The following RARB variants were observed in gnomAD, a reference collection of about 807,000 sequenced individuals.
The protein encoded by RARB is retinoic acid receptor beta, also known as HBV-activated protein.
A neutral mutation model predicts 51.9 loss-of-function variants in RARB; 17 were observed. That is an observed-to-expected ratio of 0.33 (90% CI 0.22 to 0.49). The LOEUF (loss-of-function observed/expected upper bound fraction) is 0.49. Ranked by LOEUF, RARB falls within the 20% of genes least tolerant of loss-of-function variation. The pLI is 0.99. For synonymous variants in RARB, 215 were observed against 195.4 expected (o/e 1.10, Z -0.84); for missense variants, 369 against 550.8 (o/e 0.67, Z 3.30).
At position 25,575,888 on chromosome 3, in the gene RARB, A is replaced by G. The variant is rs564463767; in HGVS notation, c.610-4658A>G. The stretch of plus-strand genomic sequence containing the variant: ...CCTAGTGAGTGCAGAACTGGAGTGC[A>G]TGGATGTTACCTTTCCATGCTTGCC... On this transcript the variant is annotated intron_variant, in intron 4 of 7. Coordinates refer to ENST00000330688, the MANE Select transcript of RARB (RefSeq NM_000965.5). Among the ~76,000 whole-genome samples, 55 of 152,312 alleles carry G rather than the reference A, an allele frequency of 3.6e-4. 1 individual carries two copies. The highest frequency in any genetic ancestry group is 6.8e-3 in the Middle Eastern group (2 of 294).
rs78470280 is a variant in RARB at position 25,461,184 on chromosome 3, C to T, written c.158-9C>T. On this transcript the variant is annotated splice_polypyrimidine_tract_variant and intron_variant, in intron 1 of 7. Transcript: ENST00000330688. Reference sequence around the variant, plus strand: ...TCTTTTTTCTCCCTCTACCCCATCTCTATTATAGCAATTGAAACACAGAGC... The same window carrying T: ...TCTTTTTTCTCCCTCTACCCCATCTTTATTATAGCAATTGAAACACAGAGC... 6.2e-7 allele frequency: 1 copy of T among 1,602,466 alleles called. No individual in the cohort carries two copies. The highest frequency in any genetic ancestry group is 2.2e-5 in the East Asian group (1 of 44,734).
At chr3:25,003,474 G>A (rs201937817) in intron 2 of RARB, among the ~76,000 whole-genome samples, 1 of 152,198 alleles carries the variant, frequency 6.6e-6, no homozygotes, top group African/African-American at 2.4e-5. Flanking sequence ...ATATATCTTA[G>A]TACTGATTTA....
chr3:24,999,121 A>G (rs1697104923), intron 2 of RARB, among the ~76,000 whole-genome samples: 2 of 152,284 alleles, frequency 1.3e-5, no homozygotes, highest in South Asian at 4.1e-4. Flanking sequence ...CTTTTCTGTT[A>G]TATAGATAAA....
intron 5 of RARB, among the ~76,000 whole-genome samples, chr3:25,338,787 A>T (rs2125449448): frequency 6.6e-6 from 1 of 152,314 alleles, no homozygotes; most frequent in East Asian, 1.9e-4. Flanking sequence ...AATGGTTATT[A>T]AAATACTGAA....
intron 5 of RARB, among the ~76,000 whole-genome samples, chr3:25,361,725 A>C (rs1168238993): frequency 6.6e-6 from 1 of 152,056 alleles, no homozygotes; most frequent in Non-Finnish European, 1.5e-5. Flanking sequence ...TTTTCTTTCT[A>C]CCAGTCGGTC....
intron 2 of RARB, among the ~76,000 whole-genome samples, chr3:24,869,879 G>A (rs1208536337): frequency 6.6e-6 from 1 of 152,012 alleles, no homozygotes; most frequent in African/African-American, 2.4e-5. Flanking sequence ...TTGTGTATGA[G>A]TATTCCAGTT....
intron 2 of RARB, among the ~76,000 whole-genome samples, chr3:24,943,842 A>G (rs550044553): frequency 7.2e-5 from 11 of 152,314 alleles, no homozygotes; most frequent in Admixed American, 3.3e-4. Context: ...AGTGAGGTCA[A>G]TTGTCATGGT....
chr3:25,213,065 A>G (rs1032812666), intron 5 of RARB, among the ~76,000 whole-genome samples: 2 of 152,162 alleles, frequency 1.3e-5, no homozygotes, highest in Admixed American at 6.5e-5. Context: ...CCTTGCTCAC[A>G]ACAGTATTTT....
intron 2 of RARB, among the ~76,000 whole-genome samples, chr3:24,914,524 C>G (rs538976553): frequency 6.6e-6 from 1 of 152,168 alleles, no homozygotes; most frequent in Non-Finnish European, 1.5e-5. Context: ...CCATAAAGGA[C>G]TGGTTCTGGT....
At chr3:25,362,006 C>T (rs1056057744) in intron 5 of RARB, among the ~76,000 whole-genome samples, 9 of 152,192 alleles carry the variant, frequency 5.9e-5, no homozygotes, top group Non-Finnish European at 1.3e-4. Context: ...AGCTTGAGTG[C>T]TATGCTGGGA....
intron 2 of RARB, among the ~76,000 whole-genome samples, chr3:25,036,879 G>T (rs1698006415): frequency 6.6e-6 from 1 of 152,106 alleles, no homozygotes; most frequent in Non-Finnish European, 1.5e-5. Context: ...ACATTCTTCT[G>T]TTTTACAGAA....
At chr3:25,366,841 G>T (rs1706135627) in intron 5 of RARB, among the ~76,000 whole-genome samples, 1 of 152,126 alleles carries the variant, frequency 6.6e-6, no homozygotes, top group Non-Finnish European at 1.5e-5. Flanking sequence ...TTGTTCATGG[G>T]CCTCATTTTA....
intron 5 of RARB, among the ~76,000 whole-genome samples, chr3:25,252,143 A>T (rs1180221341): frequency 1.3e-5 from 2 of 152,072 alleles, no homozygotes; most frequent in African/African-American, 4.8e-5. Flanking sequence ...TTTTCTTGCC[A>T]CCCTTGTCAA....
intron 5 of RARB, among the ~76,000 whole-genome samples, chr3:25,240,638 G>T (rs1392873157): frequency 6.6e-6 from 1 of 152,034 alleles, no homozygotes; most frequent in East Asian, 1.9e-4. Flanking sequence ...CAGGTTTATT[G>T]AGTTACATAT....
intron 3 of RARB, among the ~76,000 whole-genome samples, chr3:25,085,230 T>A (rs1699083912): frequency 6.6e-6 from 1 of 152,140 alleles, no homozygotes; most frequent in Admixed American, 6.5e-5. Context: ...AAAATAGAAT[T>A]TCTTTAACAA....
chr3:25,545,227 G>A (rs139649643), intron 3 of RARB, among the ~76,000 whole-genome samples: 305 of 152,292 alleles, frequency 2.0e-3, no homozygotes, highest in Non-Finnish European at 3.1e-3. Flanking sequence ...TTACAGGCAT[G>A]AGCCACCATT....
intron 1 of RARB, among the ~76,000 whole-genome samples, chr3:25,453,243 C>CTTTTTTTTTTTTTTTT (rs758275411): frequency 1.2e-5 from 1 of 81,988 alleles, no homozygotes; most frequent in Non-Finnish European, 2.2e-5. Context: ...CAAGATTCTG[C>CTTTTTTTTTTTTTTTT]TTTTTTTTTT....
intron 1 of RARB, among the ~76,000 whole-genome samples, chr3:24,830,635 C>A (rs1443810769): frequency 1.1e-4 from 16 of 147,594 alleles, no homozygotes; most frequent in Non-Finnish European, 1.9e-4. Flanking sequence ...TTTGGACGAC[C>A]CTTCCAGGAC....
At chr3:25,467,575 A>G (rs1003701332) in intron 2 of RARB, among the ~76,000 whole-genome samples, 2 of 147,262 alleles carry the variant, frequency 1.4e-5, no homozygotes, top group Non-Finnish European at 3.0e-5. Context: ...CTCTGCTTGT[A>G]TCACATTTGC....
Sources: gnomAD v4.1 joint callset for allele counts (sites outside exome capture counted in the v4.1 genomes callset) on GRCh38, gnomAD v4.1.1 for gene constraint, MANE v1.5 for transcripts, NCBI Gene and HGNC (gene_info 2026-07-23, HGNC 2026-07-21) for gene names.